Variants in ANKS1B observed in about 807,000 individuals in gnomAD.
The protein encoded by ANKS1B is ankyrin repeat and sterile alpha motif domain containing 1B, also known as ankyrin repeat and sterile alpha motif domain-containing protein 1B.
Under a neutral mutation model 148.3 loss-of-function variants are expected in ANKS1B, and 36 were observed. The ratio of observed to expected loss-of-function variants is 0.24; its 90% confidence interval spans 0.19 to 0.32. The LOEUF (loss-of-function observed/expected upper bound fraction) is 0.32, where lower values mean the gene tolerates loss of function less well. Among genes scored for constraint, ANKS1B ranks in the 10% least tolerant of loss-of-function variants. The probability of loss-of-function intolerance (pLI) is 1.00; values close to 1 mark genes in which losing one functional copy is unlikely to be tolerated. For synonymous variants in ANKS1B, 542 were observed against 560.8 expected (o/e 0.97, Z 0.47); for missense variants, 1,157 against 1,542.6 (o/e 0.75, Z 4.19).
At position 99,443,681 on chromosome 12, in the gene ANKS1B, G is replaced by A. The variant is rs2095587833; in HGVS notation, c.1567C>T (p.Arg523Ter). 1 of 1,611,506 alleles carries A rather than the reference G, an allele frequency of 6.2e-7. No homozygotes were observed. Among genetic ancestry groups the A allele is most frequent in the Non-Finnish European group, 8.5e-7 (1 of 1,178,424 alleles). ...CCATTCTGGGCACTTACCTGGGGTC[G>A]AATGACTTTTACAATATTTTTGAGG... is the stretch of plus-strand genomic sequence containing the variant. ...TALKNIVKVI[R>*]PQPKQRTSIV... Residue 523 changes from arginine to a stop codon, truncating the protein, a stop_gained, in exon 11 of 27, where the codon CGA (arginine) becomes TGA (stop). Coordinates refer to ENST00000683438, the MANE Select transcript of ANKS1B (RefSeq NM_001352186.2). LOFTEE classifies it high-confidence loss of function.
chr12:99,719,688 A>G (rs1439776209), intron 8 of ANKS1B, among the ~76,000 whole-genome samples: 6 of 152,084 alleles, frequency 3.9e-5, no homozygotes, highest in Non-Finnish European at 8.8e-5. Flanking sequence ...ATTCTGCACC[A>G]CCATGCGAGA....
At chr12:99,883,860 G>A (rs1032099860) in intron 1 of ANKS1B, among the ~76,000 whole-genome samples, 1 of 152,302 alleles carries the variant, frequency 6.6e-6, no homozygotes, top group South Asian at 2.1e-4. Context: ...AGGTTGTAGT[G>A]AGCTGACATC....
In ANKS1B at chr12:99,882,822, A is replaced by T. The variant is rs558742691; in HGVS notation, c.135-57433T>A. 3.7e-4 allele frequency among the ~76,000 whole-genome samples: 56 copies of T among 152,278 alleles called. No individual in the cohort carries two copies. In the East Asian group the frequency reaches 8.7e-3, roughly 24 times the overall value. The stretch of plus-strand genomic sequence containing the variant: ...CATAAGAAGAAAAATAATTTTTTTT[A>T]AAAAAGAAGTCATGGAGGCCAGAAG... On this transcript the variant is annotated intron_variant, in intron 1 of 26. Transcript: ENST00000683438.
At chr12:99,420,254 T>A (rs978933890) in intron 11 of ANKS1B, among the ~76,000 whole-genome samples, 2 of 152,214 alleles carry the variant, frequency 1.3e-5, no homozygotes, top group Non-Finnish European at 2.9e-5. Flanking sequence ...TAACAGAACT[T>A]TTTTAGCTTA....
At chr12:98,820,471 T>C (rs2099177111) in intron 19 of ANKS1B, among the ~76,000 whole-genome samples, 1 of 152,238 alleles carries the variant, frequency 6.6e-6, no homozygotes, top group African/African-American at 2.4e-5. Flanking sequence ...TGATCTGTCG[T>C]AGAGCCCTGT....
intron 17 of ANKS1B, among the ~76,000 whole-genome samples, chr12:98,876,357 G>C (rs141389123): frequency 2.0e-5 from 3 of 152,334 alleles, no homozygotes; most frequent in African/African-American, 7.2e-5. Flanking sequence ...GTCATCTCAA[G>C]TATGACCTTC....
intron 8 of ANKS1B, among the ~76,000 whole-genome samples, chr12:99,760,041 T>A (rs762604011): frequency 6.6e-6 from 1 of 151,878 alleles, no homozygotes; most frequent in South Asian, 2.1e-4. Flanking sequence ...GTTCAAAACA[T>A]AAAAATTAAA....
intron 15 of ANKS1B, among the ~76,000 whole-genome samples, chr12:99,086,240 C>T (rs2051745099): frequency 6.6e-6 from 1 of 151,978 alleles, no homozygotes; most frequent in Non-Finnish European, 1.5e-5. Context: ...AAAAGGACAT[C>T]TAATCAGATA....
At chr12:99,642,810 T>C (rs1406851230) in intron 9 of ANKS1B, among the ~76,000 whole-genome samples, 2 of 152,102 alleles carry the variant, frequency 1.3e-5, no homozygotes, top group Non-Finnish European at 2.9e-5. Flanking sequence ...AGTAAATTTA[T>C]AAATAAATAA....
intron 14 of ANKS1B, among the ~76,000 whole-genome samples, chr12:99,160,441 C>G (rs1413452618): frequency 6.6e-6 from 1 of 151,334 alleles, no homozygotes; most frequent in Non-Finnish European, 1.5e-5. Context: ...TGGGTTCATG[C>G]CATTCTCCTA....
intron 1 of ANKS1B, among the ~76,000 whole-genome samples, chr12:99,865,581 C>T (rs1296600338): frequency 2.6e-5 from 4 of 152,056 alleles, no homozygotes; most frequent in Non-Finnish European, 5.9e-5. Context: ...GTCATAATTG[C>T]TGGAAATTTG....
chr12:99,353,114 A>G (rs994923612), intron 12 of ANKS1B, among the ~76,000 whole-genome samples: 5 of 152,026 alleles, frequency 3.3e-5, no homozygotes, highest in Non-Finnish European at 7.4e-5. Context: ...GCTTCTCCCC[A>G]GTATGAATCT....
At chr12:98,860,739 G>A (rs1157129402) in intron 17 of ANKS1B, among the ~76,000 whole-genome samples, 1 of 152,196 alleles carries the variant, frequency 6.6e-6, no homozygotes, top group Non-Finnish European at 1.5e-5. Context: ...GGGGGAGGGA[G>A]AGCATCAGGA....
intron 19 of ANKS1B, among the ~76,000 whole-genome samples, chr12:98,809,740 C>T (rs140265704): frequency 3.3e-5 from 5 of 152,114 alleles, no homozygotes; most frequent in African/African-American, 4.8e-5. Context: ...GCCCCCTCAC[C>T]GACTGAACGG....
At chr12:99,976,720 A>G (rs190888636) in intron 1 of ANKS1B, among the ~76,000 whole-genome samples, 1 of 152,206 alleles carries the variant, frequency 6.6e-6, no homozygotes, top group Non-Finnish European at 1.5e-5. Flanking sequence ...AGATCCATGA[A>G]GACATGTCAT....
chr12:99,456,515 T>C (rs1006906478), intron 10 of ANKS1B, among the ~76,000 whole-genome samples: 11 of 151,262 alleles, frequency 7.3e-5, no homozygotes, highest in African/African-American at 2.2e-4. Flanking sequence ...CTTAAAGAAA[T>C]CAAAAAAGAT....
At chr12:98,854,005 T>C (rs1456724970) in intron 17 of ANKS1B, among the ~76,000 whole-genome samples, 1 of 152,220 alleles carries the variant, frequency 6.6e-6, no homozygotes, top group Non-Finnish European at 1.5e-5. Flanking sequence ...TTGGCTCACA[T>C]GTGGACTGGG....
intron 17 of ANKS1B, among the ~76,000 whole-genome samples, chr12:99,034,841 G>A (rs148042569): frequency 2.6e-5 from 4 of 152,306 alleles, no homozygotes; most frequent in East Asian, 1.9e-4. Flanking sequence ...GTGAGCACGT[G>A]TTCTCCAGGG....
intron 1 of ANKS1B, among the ~76,000 whole-genome samples, chr12:99,933,573 T>C (rs2094681660): frequency 6.6e-6 from 1 of 152,178 alleles, no homozygotes. Context: ...ACACTACTGA[T>C]TTTTTATGTT....
Sources: allele counts gnomAD v4.1 joint callset (sites outside exome capture counted in the v4.1 genomes callset), GRCh38; gene constraint gnomAD v4.1.1; transcripts MANE v1.5; gene names NCBI Gene and HGNC (gene_info 2026-07-23, HGNC 2026-07-21).